The following RNGTT variants were observed in gnomAD, a reference collection of about 807,000 sequenced individuals.
RNGTT encodes RNA guanylyltransferase and 5'-phosphatase, also known as mRNA-capping enzyme.
Under a neutral mutation model 79.3 loss-of-function variants are expected in RNGTT, and 33 were observed. The ratio of observed to expected loss-of-function variants is 0.42; its 90% CI spans 0.32 to 0.56. The LOEUF (loss-of-function observed/expected upper bound fraction) is 0.56. Ranked by LOEUF, RNGTT falls within the 20% of genes least tolerant of loss-of-function variation. The pLI, the probability that RNGTT is intolerant of heterozygous loss-of-function variation, is 0.17. For missense variants in RNGTT, 497 were observed against 739.1 expected (o/e 0.67, Z 3.80); for synonymous variants, 222 against 235.9 (o/e 0.94, Z 0.54).
At chr6:88,739,772 T>TATATAG (rs1777420013) in intron 13 of RNGTT, among the ~76,000 whole-genome samples, 2 of 121,468 alleles carry the variant, frequency 1.6e-5, no homozygotes, top group Non-Finnish European at 3.4e-5. Context: ...TATATATATA[T>TATATAG]ATATATGTTA....
chr6:88,825,747 A>C (rs569673904), intron 11 of RNGTT, among the ~76,000 whole-genome samples: 8 of 152,326 alleles, frequency 5.3e-5, no homozygotes, highest in African/African-American at 1.7e-4. Context: ...AGAGCTTTTC[A>C]GCTATCACTA....
intron 2 of RNGTT, 90 bp downstream of exon 2, chr6:88,940,980 TA>T (rs971869207): frequency 4.9e-5 from 32 of 655,332 alleles, no homozygotes; most frequent in Non-Finnish European, 1.8e-5. Context: ...TTAATTATTT[TA>T]AAATAATAAG....
chr6:88,748,190 A>G (rs139631040), intron 13 of RNGTT, among the ~76,000 whole-genome samples: 1 of 152,256 alleles, frequency 6.6e-6, no homozygotes, highest in East Asian at 1.9e-4. Flanking sequence ...AAAAAGTCAA[A>G]TCGAATGTCA....
At chr6:88,891,708 A>G in intron 7 of RNGTT, 98 bp downstream of exon 7, 4 of 677,382 alleles carry the variant, frequency 5.9e-6, no homozygotes, top group Non-Finnish European at 9.1e-6. Context: ...TATTGCAAAC[A>G]TACTAACTTC....
rs1784262942 is a variant in RNGTT at position 88,924,642 on chromosome 6, C to T, written c.367+4343G>A. 1.3e-5 allele frequency among the ~76,000 whole-genome samples: 2 copies of T among 151,776 alleles called. 1 individual carries two copies. The highest frequency in any genetic ancestry group is 4.8e-5 in the African/African-American group (2 of 41,316). On this transcript the variant is annotated intron_variant, in intron 4 of 15. Coordinates refer to ENST00000369485, the MANE Select transcript of RNGTT (RefSeq NM_003800.5). The stretch of plus-strand genomic sequence containing the variant: ...AGCCAGACCCCAATTTGTCCAACAT[C>T]TTTTTGCCTCCCTTCTGTTGTGTCT...
At chr6:88,810,496 G>T (rs150517021) in intron 11 of RNGTT, among the ~76,000 whole-genome samples, 2 of 152,236 alleles carry the variant, frequency 1.3e-5, no homozygotes, top group Non-Finnish European at 2.9e-5. Flanking sequence ...ACGATGATGG[G>T]CAGCCTTTGA....
rs914177289 is a variant in RNGTT, at chr6:88,616,524, T to TA, written c.1507-2130dup. ...TGTTAGTTTTTGTTCCTTTTTTTTT[T>TA]AAAAAAAATTGACGCCCATTGTTTA... On this transcript the variant is annotated intron_variant, in intron 14 of 15. Coordinates refer to ENST00000369485, the MANE Select transcript of RNGTT (RefSeq NM_003800.5). Among the ~76,000 whole-genome samples the TA allele has an allele frequency of 7.2e-5, 11 of 151,774 alleles. No individual in the cohort carries two copies. In the East Asian group the frequency reaches 1.4e-3, roughly 19 times the overall value.
intron 13 of RNGTT, among the ~76,000 whole-genome samples, chr6:88,747,283 A>G (rs1336373214): frequency 6.6e-6 from 1 of 152,096 alleles, no homozygotes; most frequent in Non-Finnish European, 1.5e-5. Flanking sequence ...ATAAATCTCA[A>G]ATGGCTGTGA....
At chr6:88,869,232 C>A (rs1035677272) in intron 8 of RNGTT, among the ~76,000 whole-genome samples, 2 of 152,062 alleles carry the variant, frequency 1.3e-5, no homozygotes, top group African/African-American at 2.4e-5. Flanking sequence ...AAAATTAGAT[C>A]AAGTTAGGAA....
chr6:88,914,315 C>T (rs138156299), intron 4 of RNGTT, among the ~76,000 whole-genome samples: 280 of 151,948 alleles, frequency 1.8e-3, no homozygotes, highest in Middle Eastern at 0.01. Flanking sequence ...AAAAAAGAAC[C>T]CAAATAGACA....
intron 14 of RNGTT, among the ~76,000 whole-genome samples, chr6:88,635,959 A>G (rs1006955587): frequency 6.6e-6 from 1 of 152,056 alleles, no homozygotes; most frequent in Admixed American, 6.6e-5. Flanking sequence ...TGGTACAGAA[A>G]TGGGAGCATA....
At chr6:88,848,334 CACTTCCCAGGTAATT>C (rs1390636577) in intron 10 of RNGTT, among the ~76,000 whole-genome samples, 1 of 151,996 alleles carries the variant, frequency 6.6e-6, no homozygotes, top group Non-Finnish European at 1.5e-5. Flanking sequence ...TTTTTAAAAA[CACTTCCCAGGTAATT>C]ACATTCCAAG....
intron 14 of RNGTT, among the ~76,000 whole-genome samples, chr6:88,649,315 G>T (rs1385307224): frequency 6.6e-6 from 1 of 152,098 alleles, no homozygotes; most frequent in Non-Finnish European, 1.5e-5. Flanking sequence ...ATGATGGGAG[G>T]GGAAAACATG....
intron 14 of RNGTT, among the ~76,000 whole-genome samples, chr6:88,658,258 ATGACAAC>A (rs1273565018): frequency 6.6e-6 from 1 of 152,206 alleles, no homozygotes; most frequent in African/African-American, 2.4e-5. Flanking sequence ...GTCTGTCCAT[ATGACAAC>A]GTCACCACTA....
chr6:88,642,946 C>A (rs916617403), intron 14 of RNGTT, among the ~76,000 whole-genome samples: 20 of 152,138 alleles, frequency 1.3e-4, no homozygotes, highest in African/African-American at 3.6e-4. Context: ...AAATGTCTAA[C>A]CTTGAAAATA....
intron 11 of RNGTT, among the ~76,000 whole-genome samples, chr6:88,805,247 A>AT: frequency 6.6e-6 from 1 of 152,340 alleles, no homozygotes; most frequent in South Asian, 2.1e-4. Flanking sequence ...AGTGGCAGCC[A>AT]TAAGTGAGTA....
chr6:88,673,446 G>C (rs1774732510), intron 14 of RNGTT, among the ~76,000 whole-genome samples: 1 of 152,144 alleles, frequency 6.6e-6, no homozygotes, highest in East Asian at 1.9e-4. Context: ...TTTGAACTAT[G>C]ATTTTAAAAT....
At chr6:88,899,028 G>C (rs1033476177) in intron 6 of RNGTT, among the ~76,000 whole-genome samples, 4 of 151,436 alleles carry the variant, frequency 2.6e-5, no homozygotes, top group Non-Finnish European at 5.9e-5. Flanking sequence ...ATAAACTAAA[G>C]ATTAATGTTC....
intron 11 of RNGTT, among the ~76,000 whole-genome samples, chr6:88,825,176 G>A (rs1003369428): frequency 3.3e-5 from 5 of 152,108 alleles, no homozygotes; most frequent in African/African-American, 1.2e-4. Flanking sequence ...AGCATACACT[G>A]AAGGGTACAC....
Sources: allele counts gnomAD v4.1 joint callset (sites outside exome capture counted in the v4.1 genomes callset), GRCh38; gene constraint gnomAD v4.1.1; transcripts MANE v1.5; gene names NCBI Gene and HGNC (gene_info 2026-07-23, HGNC 2026-07-21).